CHAT: variants seen among roughly 807,000 people sequenced by gnomAD.
CHAT encodes acetyl CoA:choline O-acetyltransferase.
CHAT carries 61 observed loss-of-function variants against 76.9 expected under a neutral mutation model. The observed-to-expected ratio is 0.79, with a 90% CI of 0.65 to 0.98. CHAT has a LOEUF of 0.98. Ranked by LOEUF, CHAT falls within the 50% of genes least tolerant of loss-of-function variation. CHAT has a pLI of 0.00. For missense variants in CHAT, 946 were observed against 986.9 expected (o/e 0.96, Z 0.56); for synonymous variants, 407 against 397.4 (o/e 1.02, Z -0.29).
chr10:49,627,823 C>T (rs750603120), intron 7 of CHAT, 38 bp downstream of exon 7: 1 of 1,601,864 alleles, frequency 6.2e-7, no homozygotes, highest in South Asian at 1.1e-5. Flanking sequence ...ATGCCCATCT[C>T]ATGCTCGTGC....
chr10:49,655,325 C>A, intron 12 of CHAT, 61 bp from the exon 13 acceptor site: 1 of 1,612,624 alleles, frequency 6.2e-7, no homozygotes, highest in Non-Finnish European at 8.5e-7. Context: ...CTCTGACCAC[C>A]AGATGCTTTG....
At chr10:49,648,748 CA>C (rs1839769051) in intron 9 of CHAT, 141 bp downstream of exon 9, 3 of 668,400 alleles carry the variant, frequency 4.5e-6, no homozygotes, top group Middle Eastern at 3.6e-4. Flanking sequence ...CACACACACA[CA>C]CACACACACG....
chr10:49,646,445 A>T, intron 7 of CHAT, 60 bp from the exon 8 acceptor site: 1 of 1,599,706 alleles, frequency 6.3e-7, no homozygotes, highest in Non-Finnish European at 8.6e-7. Context: ...TGGGGCTCTG[A>T]GGAGGGAAGA....
At chr10:49,644,357 G>A (rs1289007921) in intron 7 of CHAT, among the ~76,000 whole-genome samples, 1 of 152,174 alleles carries the variant, frequency 6.6e-6, no homozygotes, top group East Asian at 1.9e-4. Flanking sequence ...CTCCCTTGTG[G>A]GCGGTAGAAG....
intron 4 of CHAT, among the ~76,000 whole-genome samples, chr10:49,621,667 C>T (rs1052032538): frequency 4.6e-5 from 7 of 152,094 alleles, no homozygotes; most frequent in African/African-American, 1.7e-4. Flanking sequence ...AGAACTCCAC[C>T]CTTCACCCTC....
chr10:49,634,829 C>T (rs1012044019), intron 7 of CHAT, among the ~76,000 whole-genome samples: 1 of 152,036 alleles, frequency 6.6e-6, no homozygotes, highest in African/African-American at 2.4e-5. Context: ...GTGGTTAGAA[C>T]CCAGAAGAAA....
intron 14 of CHAT, 28 bp from the exon 15 acceptor site, chr10:49,664,749 G>A (rs761378463): frequency 6.2e-7 from 1 of 1,614,202 alleles, no homozygotes; most frequent in South Asian, 1.1e-5. Context: ...TCCAGAACAA[G>A]CAGCTCCTGA....
In CHAT at chr10:49,641,950, T is replaced by C. The variant is rs116505517; in HGVS notation, c.1112-4555T>C. Among the ~76,000 whole-genome samples, 1,012 of 152,300 alleles carry C rather than the reference T, an allele frequency of 6.6e-3. 11 individuals carry two copies. The highest frequency in any genetic ancestry group is 0.023 in the African/African-American group (963 of 41,554). On this transcript the variant is annotated intron_variant, in intron 7 of 14. Transcript: ENST00000337653. ...CCAGGTGCTATTTTGTCTGTGCTCA[T>C]CAGAGTCTCAGCCTGTAAGCTTCCA...
rs555475820 is a variant in CHAT at position 49,627,561 on chromosome 10, C to T, written c.934-47C>T. On this transcript the variant is annotated intron_variant, in intron 6 of 14. Transcript: ENST00000337653. ...GTGAAGGCTGAGTGAAGGCCTGGTG[C>T]CACGGGCCACCCAACAAGTGACATG... 3.1e-6 allele frequency: 5 copies of T among 1,597,298 alleles called. No homozygotes were observed. The African/African-American group carries it at 5.4e-5, about 17-fold the overall frequency.
At chr10:49,611,014 G>T (rs367805043), upstream of CHAT, 4 of 1,613,754 alleles carry the variant, frequency 2.5e-6, no homozygotes, top group Non-Finnish European at 1.7e-6. Flanking sequence ...CAATGCCAGC[G>T]CCTACACGGC....
intron 13 of CHAT, among the ~76,000 whole-genome samples, chr10:49,662,325 C>T (rs1161795542): frequency 1.3e-5 from 2 of 152,246 alleles, no homozygotes; most frequent in African/African-American, 2.4e-5. Context: ...ATTCTTTCCA[C>T]TTAGAGAACC....
chr10:49,626,277 G>C (rs1470401455), intron 6 of CHAT, among the ~76,000 whole-genome samples: 1 of 152,154 alleles, frequency 6.6e-6, no homozygotes, highest in Non-Finnish European at 1.5e-5. Context: ...GGGTCCTGGG[G>C]GACAGGCTGA....
At chr10:49,647,593 C>T (rs10399986) in intron 8 of CHAT, among the ~76,000 whole-genome samples, 3,888 of 152,268 alleles carry the variant, frequency 0.026, 174 homozygotes, top group African/African-American at 0.088. Context: ...ATTTCTGATG[C>T]GCTCTCCAGC....
chr10:49,657,665 A>G lies in CHAT; in HGVS notation c.1839+2217A>G, dbSNP rs559631392. ...AAGTCTTACTACTTTCTTCTTACTT[A>G]CTATTAAGCCCTTCAGCCACTCAGC... On this transcript the variant is annotated intron_variant, in intron 13 of 14. Coordinates refer to ENST00000337653, the MANE Select transcript of CHAT (RefSeq NM_020549.5). Among the ~76,000 whole-genome samples the G allele has an allele frequency of 3.3e-5, 5 of 152,314 alleles. No homozygotes were observed. The South Asian group carries it at 6.2e-4, about 19-fold the overall frequency.
At position 49,655,307 on chromosome 10, in the gene CHAT, G is replaced by T. The variant is rs940641184; in HGVS notation, c.1776+71G>T. 8.7e-6 allele frequency: 14 copies of T among 1,613,242 alleles called. No homozygotes were observed. The South Asian group carries it at 1.2e-4, about 14-fold the overall frequency. Reference sequence around the variant, plus strand: ...CTGTGGTTGCCCTGGGTTGCAGTGGGCTCGGCCCTCTGACCACCAGATGCT... The same window carrying T: ...CTGTGGTTGCCCTGGGTTGCAGTGGTCTCGGCCCTCTGACCACCAGATGCT... On this transcript the variant is annotated intron_variant, in intron 12 of 14. Coordinates refer to ENST00000337653, the MANE Select transcript of CHAT (RefSeq NM_020549.5).
chr10:49,616,806 G>C (rs964994685), intron 2 of CHAT, among the ~76,000 whole-genome samples: 6 of 152,184 alleles, frequency 3.9e-5, no homozygotes, highest in Non-Finnish European at 8.8e-5. Flanking sequence ...CGGGCCTCAG[G>C]GTGCCAAGGA....
chr10:49,610,470 C>G (rs1406958499), upstream of CHAT: 1 of 392,286 alleles, frequency 2.5e-6, no homozygotes, highest in Non-Finnish European at 4.5e-6. Context: ...TCTCCGGCCC[C>G]GGCCCCTCGG....
At chr10:49,636,083 A>G (rs1488163060) in intron 7 of CHAT, among the ~76,000 whole-genome samples, 1 of 152,182 alleles carries the variant, frequency 6.6e-6, no homozygotes, top group African/African-American at 2.4e-5. Context: ...GTTGCAATAT[A>G]AAAGATTAAC....
At position 49,619,821 on chromosome 10, in the gene CHAT, A is replaced by G. The variant is rs1195682323; in HGVS notation, c.484A>G (p.Ser162Gly). ...GGTGTCTGAGGAGCAGTTCAGGAAGAGCCAGGCCATTGTGCAGCAGTTTGG... is the reference window on the plus strand; with the variant it reads ...GGTGTCTGAGGAGCAGTTCAGGAAGGGCCAGGCCATTGTGCAGCAGTTTGG... ...HLVSEEQFRK[S>G]QAIVQQFGAP... Residue 162 changes from serine (S) to glycine (G), a missense_variant, in exon 3 of 15, where the codon AGC (serine) becomes GGC (glycine). Around this residue, in one of 3 missense-constraint regions of CHAT, gnomAD observed 548 missense variants for 516.2 expected, o/e 1.06. Coordinates refer to ENST00000337653, the MANE Select transcript of CHAT (RefSeq NM_020549.5). 1.9e-6 allele frequency: 3 copies of G among 1,614,062 alleles called. No individual in the cohort carries two copies. Among genetic ancestry groups the G allele is most frequent in the Non-Finnish European group, 8.5e-7 (1 of 1,179,986 alleles).
Sources: gnomAD v4.1 joint callset for allele counts (sites outside exome capture counted in the v4.1 genomes callset) on GRCh38, gnomAD v4.1.1 for gene constraint, gnomAD v4.1.1 regional missense constraint, MANE v1.5 for transcripts, NCBI Gene and HGNC (gene_info 2026-07-23, HGNC 2026-07-21) for gene names.